CSMD1: variants seen among roughly 807,000 people sequenced by gnomAD.
CSMD1 encodes CUB and sushi domain-containing protein 1.
Under a neutral mutation model 417.5 loss-of-function variants are expected in CSMD1, and 213 were observed. That is an observed-to-expected ratio of 0.51 (90% CI 0.46 to 0.57). The LOEUF (loss-of-function observed/expected upper bound fraction) is 0.57, where lower values mean the gene tolerates loss of function less well. Ranked by LOEUF, CSMD1 falls within the 20% of genes least tolerant of loss-of-function variation. The pLI is 0.00. For synonymous variants in CSMD1, 2,862 were observed against 1,736.8 expected (o/e 1.65, Z -16.11); for missense variants, 6,923 against 4,529.7 (o/e 1.53, Z -15.17).
intron 4 of CSMD1, among the ~76,000 whole-genome samples, chr8:4,001,168 TATAGAATAAAC>T (rs2130363614): frequency 6.6e-6 from 1 of 152,316 alleles, no homozygotes; most frequent in East Asian, 1.9e-4. Context: ...ATGTGCATGG[TATAGAATAAAC>T]ATAGAATACA....
intron 63 of CSMD1, among the ~76,000 whole-genome samples, chr8:2,956,091 CT>C (rs962261283): frequency 3.3e-5 from 5 of 151,714 alleles, no homozygotes; most frequent in African/African-American, 1.2e-4. Context: ...GAGATCACAG[CT>C]TTGAAATAAA....
At chr8:4,236,159 C>T (rs1245528648) in intron 3 of CSMD1, among the ~76,000 whole-genome samples, 5 of 149,494 alleles carry the variant, frequency 3.3e-5, no homozygotes, top group African/African-American at 5.0e-5. Flanking sequence ...GTAAGGTCTT[C>T]GATCAGGAAC....
intron 4 of CSMD1, among the ~76,000 whole-genome samples, chr8:4,018,606 G>A (rs569718014): frequency 2.0e-5 from 3 of 152,222 alleles, no homozygotes; most frequent in Non-Finnish European, 2.9e-5. Flanking sequence ...GCCCCACTCA[G>A]ACTATTCAGG....
intron 1 of CSMD1, among the ~76,000 whole-genome samples, chr8:4,831,248 G>A (rs754827631): frequency 6.6e-6 from 1 of 152,166 alleles, no homozygotes; most frequent in Admixed American, 6.5e-5. Context: ...AATTACAAGA[G>A]CATATTGTAG....
Position 2,950,298 on chromosome 8 carries a change from T to C in CSMD1, c.10247A>G (p.Gln3416Arg), listed in dbSNP as rs1361346897. Residue 3416 changes from glutamine to arginine, a missense_variant, in exon 67 of 70, where the codon CAA becomes CGA. Transcript: ENST00000635120. The part of the protein sequence containing the change: ...EEAHLLLKAF[Q>R]IKGQADIFVS... ...AAAAATATCTGCCTGGCCTTTAATTTGAAAAGCTTTCAGGAGTAAGTGGGC... is the reference window on the plus strand; with the variant it reads ...AAAAATATCTGCCTGGCCTTTAATTCGAAAAGCTTTCAGGAGTAAGTGGGC... The C allele has an allele frequency of 2.5e-6, 4 of 1,613,512 alleles. No individual in the cohort carries two copies. The highest frequency in any genetic ancestry group is 3.4e-6 in the Non-Finnish European group (4 of 1,179,490).
intron 2 of CSMD1, among the ~76,000 whole-genome samples, chr8:4,535,360 T>C (rs1797051659): frequency 6.6e-6 from 1 of 152,220 alleles, no homozygotes; most frequent in African/African-American, 2.4e-5. Context: ...TATTTATTGC[T>C]ATTTTTAGAA....
chr8:3,099,082 C>CCGTG (rs1334299111), intron 46 of CSMD1, among the ~76,000 whole-genome samples: 1 of 151,984 alleles, frequency 6.6e-6, no homozygotes, highest in Non-Finnish European at 1.5e-5. Flanking sequence ...CAACTCTTCT[C>CCGTG]CGTGCCGTTC....
chr8:3,062,848 G>A (rs1812674367), intron 49 of CSMD1, among the ~76,000 whole-genome samples: 1 of 152,136 alleles, frequency 6.6e-6, no homozygotes, highest in Non-Finnish European at 1.5e-5. Flanking sequence ...CCAAAGCTGT[G>A]CAAGTAACTG....
At chr8:4,465,959 T>C (rs980940696) in intron 2 of CSMD1, among the ~76,000 whole-genome samples, 3 of 152,168 alleles carry the variant, frequency 2.0e-5, no homozygotes, top group African/African-American at 7.2e-5. Context: ...TTCCAATACC[T>C]TGTGGGAGAG....
intron 27 of CSMD1, among the ~76,000 whole-genome samples, chr8:3,228,511 G>C (rs535799485): frequency 3.9e-5 from 6 of 152,262 alleles, no homozygotes; most frequent in African/African-American, 9.6e-5. Flanking sequence ...ATTTCAGCTT[G>C]TCCTTGAAGC....
intron 1 of CSMD1, among the ~76,000 whole-genome samples, chr8:4,919,890 C>G (rs529720840): frequency 6.6e-6 from 1 of 152,198 alleles, no homozygotes; most frequent in Admixed American, 6.5e-5. Context: ...CCAGAGGGTG[C>G]AGCAACAAGG....
chr8:3,024,781 T>C (rs1563250656), intron 51 of CSMD1, among the ~76,000 whole-genome samples: 1 of 152,152 alleles, frequency 6.6e-6, no homozygotes, highest in African/African-American at 2.4e-5. Flanking sequence ...CCCAAGTAAA[T>C]AAAATCAAGA....
intron 3 of CSMD1, among the ~76,000 whole-genome samples, chr8:4,315,959 A>G (rs1363748682): frequency 2.6e-5 from 4 of 152,182 alleles, no homozygotes; most frequent in Non-Finnish European, 5.9e-5. Context: ...CTAAATAAAG[A>G]ACGGGAAATT....
chr8:4,809,486 G>A (rs1167253442), intron 1 of CSMD1, among the ~76,000 whole-genome samples: 2 of 152,100 alleles, frequency 1.3e-5, no homozygotes, highest in African/African-American at 4.8e-5. Flanking sequence ...CCAGGGGATT[G>A]CCAATAGACA....
intron 5 of CSMD1, among the ~76,000 whole-genome samples, chr8:3,996,597 G>A (rs1181182144): frequency 6.6e-6 from 1 of 152,066 alleles, no homozygotes; most frequent in Non-Finnish European, 1.5e-5. Flanking sequence ...TAGCGAGATA[G>A]GTAATAATTT....
intron 3 of CSMD1, among the ~76,000 whole-genome samples, chr8:4,148,990 T>C (rs1229681314): frequency 6.6e-6 from 1 of 150,548 alleles, no homozygotes; most frequent in Non-Finnish European, 1.5e-5. Flanking sequence ...TGAGATGGAG[T>C]TTCACTCTTG....
At chr8:4,258,944 G>A (rs1031670844) in intron 3 of CSMD1, among the ~76,000 whole-genome samples, 1 of 152,174 alleles carries the variant, frequency 6.6e-6, no homozygotes. Context: ...TTATTTCATC[G>A]ACTTAATACA....
chr8:3,296,443 G>T (rs1339737571), intron 25 of CSMD1, among the ~76,000 whole-genome samples: 1 of 152,114 alleles, frequency 6.6e-6, no homozygotes, highest in Non-Finnish European at 1.5e-5. Flanking sequence ...TACGCACAGA[G>T]GGCTTTGTAG....
intron 37 of CSMD1, among the ~76,000 whole-genome samples, chr8:3,177,322 A>C (rs1821004046): frequency 6.6e-6 from 1 of 152,170 alleles, no homozygotes; most frequent in South Asian, 2.1e-4. Context: ...TGGAGGCCAG[A>C]AAGAGCTCTC....
Sources: gnomAD v4.1 joint callset for allele counts (sites outside exome capture counted in the v4.1 genomes callset) on GRCh38, gnomAD v4.1.1 for gene constraint, MANE v1.5 for transcripts, NCBI Gene and HGNC (gene_info 2026-07-23, HGNC 2026-07-21) for gene names.